The following MRPL48 variants were observed in gnomAD, a reference collection of about 807,000 sequenced individuals.
MRPL48 encodes the protein large ribosomal subunit protein mL48.
Under a neutral mutation model 32.9 loss-of-function variants are expected in MRPL48, and 16 were observed. That is an observed-to-expected ratio of 0.49 (90% confidence interval 0.33 to 0.74). The LOEUF (loss-of-function observed/expected upper bound fraction) is 0.74. MRPL48 is among the 30% of genes least tolerant of loss of function. The pLI, the probability that MRPL48 is intolerant of heterozygous loss-of-function variation, is 0.02. For synonymous variants in MRPL48, 94 were observed against 89.2 expected, an observed-to-expected ratio of 1.05 and a Z score of -0.31; for missense variants, 206 against 245.3, an observed-to-expected ratio of 0.84 and a Z score of 1.07.
intron 1 of MRPL48, among the ~76,000 whole-genome samples, chr11:73,790,594 T>C (rs1181295320): frequency 1.9e-4 from 29 of 150,078 alleles, no homozygotes; most frequent in South Asian, 8.5e-4. Flanking sequence ...CCGTGTTAGC[T>C]AGGATGGTCT....
chr11:73,815,831 C>A (rs1030274859), intron 3 of MRPL48, among the ~76,000 whole-genome samples: 34 of 151,788 alleles, frequency 2.2e-4, no homozygotes, highest in Non-Finnish European at 4.3e-4. Context: ...TCAAGCCATC[C>A]TCTCACCTCA....
chr11:73,797,603 G>A (rs562460216), intron 1 of MRPL48, among the ~76,000 whole-genome samples: 27 of 152,310 alleles, frequency 1.8e-4, no homozygotes, highest in African/African-American at 6.5e-4. Flanking sequence ...CAGTGCCTGT[G>A]CCAGCACCTG....
At chr11:73,854,907 C>T (rs1294267166) in intron 5 of MRPL48, among the ~76,000 whole-genome samples, 1 of 152,134 alleles carries the variant, frequency 6.6e-6, no homozygotes, top group Non-Finnish European at 1.5e-5. Flanking sequence ...AGTTTTCTTG[C>T]TCCACTGCAT....
chr11:73,832,872 C>G (rs1453073229), intron 4 of MRPL48, among the ~76,000 whole-genome samples: 1 of 152,082 alleles, frequency 6.6e-6, no homozygotes, highest in Non-Finnish European at 1.5e-5. Flanking sequence ...ATATGCCATG[C>G]ATTGTGCTGA....
intron 1 of MRPL48, among the ~76,000 whole-genome samples, chr11:73,794,606 T>C (rs11235907): frequency 0.091 from 13,812 of 152,084 alleles, 750 homozygotes; most frequent in South Asian, 0.27. Flanking sequence ...ACAAACATTT[T>C]AGATGGTGAC....
chr11:73,797,084 T>C (rs1340598008), intron 1 of MRPL48, among the ~76,000 whole-genome samples: 1 of 151,996 alleles, frequency 6.6e-6, no homozygotes, highest in East Asian at 1.9e-4. Context: ...CAAACCAACC[T>C]TGGGCTCAGC....
intron 4 of MRPL48, among the ~76,000 whole-genome samples, chr11:73,840,765 G>A (rs1948173745): frequency 1.3e-5 from 2 of 152,144 alleles, no homozygotes; most frequent in South Asian, 4.1e-4. Flanking sequence ...CTCCCAAAGT[G>A]TTGGGATTAC....
At chr11:73,792,169 G>C (rs561688605) in intron 1 of MRPL48, among the ~76,000 whole-genome samples, 1 of 152,324 alleles carries the variant, frequency 6.6e-6, no homozygotes, top group South Asian at 2.1e-4. Flanking sequence ...AACCAGATAA[G>C]GCATTCATGC....
chr11:73,831,222 GCT>G (rs1195203244), intron 4 of MRPL48, among the ~76,000 whole-genome samples: 2 of 152,104 alleles, frequency 1.3e-5, no homozygotes, highest in African/African-American at 4.8e-5. Flanking sequence ...TGTCCTTGAT[GCT>G]TTTTTGAGGG....
intron 3 of MRPL48, among the ~76,000 whole-genome samples, chr11:73,813,253 C>T (rs1241078437): frequency 6.6e-6 from 1 of 152,044 alleles, no homozygotes; most frequent in Non-Finnish European, 1.5e-5. Context: ...CTCACTGCAA[C>T]CTCTGCCTCC....
chr11:73,846,663 T>G (rs1274494222), intron 5 of MRPL48, among the ~76,000 whole-genome samples: 3 of 136,668 alleles, frequency 2.2e-5, no homozygotes. Context: ...CCACCTCCTT[T>G]CTTTTTTTTT....
intron 4 of MRPL48, among the ~76,000 whole-genome samples, chr11:73,837,568 A>C (rs558432911): frequency 1.6e-4 from 24 of 152,298 alleles, no homozygotes; most frequent in Non-Finnish European, 3.2e-4. Context: ...AGGGGTAATA[A>C]TGTGAACATT....
At chr11:73,800,365 C>T (rs1947337248) in intron 1 of MRPL48, among the ~76,000 whole-genome samples, 1 of 152,120 alleles carries the variant, frequency 6.6e-6, no homozygotes, top group South Asian at 2.1e-4. Context: ...TATTCTGTTA[C>T]TTTCATGAAA....
At chr11:73,823,862 CT>C (rs1256521742) in intron 3 of MRPL48, among the ~76,000 whole-genome samples, 80 of 143,246 alleles carry the variant, frequency 5.6e-4, no homozygotes, top group African/African-American at 6.6e-4. Flanking sequence ...AAAGACCCCC[CT>C]TTTTTTTTTT....
intron 6 of MRPL48, 77 bp downstream of exon 6, chr11:73,860,086 AT>A: frequency 8.1e-7 from 1 of 1,232,966 alleles, no homozygotes; most frequent in Non-Finnish European, 1.1e-6. Flanking sequence ...ACTTTCTATT[AT>A]GCTCTTTTCT....
chr11:73,844,751 T>C (rs748490441), intron 4 of MRPL48, 56 bp from the exon 5 acceptor site: 82 of 1,523,018 alleles, frequency 5.4e-5, no homozygotes, highest in Admixed American at 6.1e-5. Flanking sequence ...AAGATAGTAT[T>C]ATTAGAATTT....
chr11:73,791,497 A>T (rs1565397348), intron 1 of MRPL48, among the ~76,000 whole-genome samples: 1 of 149,950 alleles, frequency 6.7e-6, no homozygotes, highest in Non-Finnish European at 1.5e-5. Flanking sequence ...GTTCACTGCA[A>T]CCTCCGCCTC....
chr11:73,825,174 C>T (rs1037381466), intron 3 of MRPL48, among the ~76,000 whole-genome samples: 13 of 151,540 alleles, frequency 8.6e-5, no homozygotes, highest in Admixed American at 3.9e-4. Flanking sequence ...GAAGTTTTAA[C>T]TTTTTATATA....
At chr11:73,826,590 T>C (rs1947894375) in intron 4 of MRPL48, among the ~76,000 whole-genome samples, 1 of 152,006 alleles carries the variant, frequency 6.6e-6, no homozygotes, top group Non-Finnish European at 1.5e-5. Flanking sequence ...GCTGTTCTCA[T>C]GCTTCAACCT....
Sources: allele counts gnomAD v4.1 joint callset (sites outside exome capture counted in the v4.1 genomes callset), GRCh38; gene constraint gnomAD v4.1.1; transcripts MANE v1.5; gene names NCBI Gene and HGNC (gene_info 2026-07-23, HGNC 2026-07-21).